ARAP2: variants seen among roughly 807,000 people sequenced by gnomAD.
ARAP2 encodes arf-GAP with Rho-GAP domain, ANK repeat and PH domain-containing protein 2.
ARAP2 carries 148 observed loss-of-function variants against 194.5 expected under a neutral mutation model. The observed-to-expected ratio is 0.76, with a 90% CI of 0.67 to 0.87. The LOEUF (loss-of-function observed/expected upper bound fraction) is 0.87, where lower values mean the gene tolerates loss of function less well. Among genes scored for constraint, ARAP2 ranks in the 40% least tolerant of loss-of-function variants. The probability of loss-of-function intolerance (pLI) is 0.00; values close to 1 mark genes in which losing one functional copy is unlikely to be tolerated. For missense variants in ARAP2, 2,128 were observed against 1,989.7 expected, an observed-to-expected ratio of 1.07 and a Z score of -1.32; for synonymous variants, 695 against 683.5, an observed-to-expected ratio of 1.02 and a Z score of -0.26.
At chr4:36,119,378 C>T (rs1218395389) in intron 24 of ARAP2, among the ~76,000 whole-genome samples, 2 of 151,448 alleles carry the variant, frequency 1.3e-5, no homozygotes, top group Non-Finnish European at 3.0e-5. Flanking sequence ...TTAGCATTTT[C>T]AGTCATGGTT....
rs113283970 is a variant in ARAP2, at chr4:36,171,592, G to A, written c.1858-4545C>T. Among the ~76,000 whole-genome samples the A allele has an allele frequency of 6.2e-3, 940 of 152,022 alleles. 12 individuals are homozygous for A. Among genetic ancestry groups the A allele is most frequent in the African/African-American group, 0.022 (895 of 41,420 alleles). ...GCTAAATGATGAGTTAATGGGTGCA[G>A]CACACCAGCATGGCACATGTATACA... is the stretch of plus-strand genomic sequence containing the variant. On this transcript the variant is annotated intron_variant, in intron 9 of 32. Transcript: ENST00000303965.
chr4:36,201,438 G>C (rs79527116), intron 6 of ARAP2, among the ~76,000 whole-genome samples: 2,077 of 152,192 alleles, frequency 0.014, 33 homozygotes, highest in East Asian at 0.088. Context: ...CAGGAAAAAA[G>C]GTAAAGCAGA....
At chr4:36,055,652 CTCCTGGGT>C (rs1723378618) in intron 2 of ARAP2, among the ~76,000 whole-genome samples, 1 of 152,128 alleles carries the variant, frequency 6.6e-6, no homozygotes, top group African/African-American at 2.4e-5. Flanking sequence ...CAACCTCTGC[CTCCTGGGT>C]TCAACTGATT....
intron 12 of ARAP2, 32 bp downstream of exon 12, chr4:36,161,433 T>C (rs2109781835): frequency 6.3e-7 from 1 of 1,583,988 alleles, no homozygotes; most frequent in South Asian, 1.1e-5. Flanking sequence ...TGAACCCCTA[T>C]CACAACCCCA....
At chr4:36,037,295 C>A (rs997480426) in intron 5 of ARAP2, among the ~76,000 whole-genome samples, 1 of 152,082 alleles carries the variant, frequency 6.6e-6, no homozygotes, top group Non-Finnish European at 1.5e-5. Flanking sequence ...TATCTATTTA[C>A]CTTATTCATT....
chr4:36,230,287 A>C (rs1428154670), intron 1 of ARAP2, among the ~76,000 whole-genome samples: 1 of 152,238 alleles, frequency 6.6e-6, no homozygotes, highest in African/African-American at 2.4e-5. Context: ...TTGACTTTCA[A>C]GTTTTATGCA....
chr4:36,130,444 C>A (rs1725148741), intron 20 of ARAP2, among the ~76,000 whole-genome samples: 1 of 151,832 alleles, frequency 6.6e-6, no homozygotes, highest in South Asian at 2.1e-4. Flanking sequence ...TGACTCGATA[C>A]CTTGGCACAC....
intron 31 of ARAP2, among the ~76,000 whole-genome samples, chr4:36,077,384 C>G (rs1441234592): frequency 1.3e-5 from 2 of 152,004 alleles, no homozygotes; most frequent in Admixed American, 1.3e-4. Flanking sequence ...TGCTTGGAGA[C>G]CTCTTCCTGT....
intron 19 of ARAP2, among the ~76,000 whole-genome samples, chr4:36,146,548 C>T (rs551772984): frequency 2.0e-5 from 3 of 152,068 alleles, no homozygotes; most frequent in South Asian, 2.1e-4. Context: ...ACACTCTTAG[C>T]GTTTTCAAAT....
intron 8 of ARAP2, among the ~76,000 whole-genome samples, chr4:36,014,173 G>A (rs1715091627): frequency 6.7e-6 from 1 of 148,938 alleles, no homozygotes. Flanking sequence ...GCTGCAGTGA[G>A]CTGACATTGT....
intron 30 of ARAP2, 97 bp from the exon 31 acceptor site, chr4:36,080,376 T>C (rs1729241646): frequency 8.4e-6 from 8 of 946,836 alleles, no homozygotes; most frequent in Non-Finnish European, 9.9e-6. Flanking sequence ...AATCTCTGGG[T>C]CTCTCCTGAT....
intron 2 of ARAP2, among the ~76,000 whole-genome samples, chr4:36,217,295 G>A (rs1021669091): frequency 5.3e-5 from 8 of 152,118 alleles, no homozygotes; most frequent in South Asian, 4.1e-4. Flanking sequence ...GCAGATCACC[G>A]GAGGCCAGGA....
chr4:36,151,375 A>G (rs1037575962), intron 15 of ARAP2, among the ~76,000 whole-genome samples: 6 of 152,186 alleles, frequency 3.9e-5, no homozygotes, highest in Non-Finnish European at 8.8e-5. Flanking sequence ...AAAGGAAAAC[A>G]AAAACGTAGC....
At chr4:36,043,794 A>AAGGGAAGG (rs1252513045) in intron 5 of ARAP2, among the ~76,000 whole-genome samples, 2 of 26,880 alleles carry the variant, frequency 7.4e-5, no homozygotes, top group African/African-American at 2.0e-4. Context: ...AGAAGAGAAG[A>AAGGGAAGG]GAAGGGAAGG....
intron 1 of ARAP2, among the ~76,000 whole-genome samples, chr4:36,234,813 C>T (rs1560737888): frequency 6.6e-6 from 1 of 152,226 alleles, no homozygotes; most frequent in East Asian, 1.9e-4. Flanking sequence ...ATAAACTCTG[C>T]CAACAGGACA....
At chr4:36,152,753 A>C (rs1473523815) in intron 15 of ARAP2, among the ~76,000 whole-genome samples, 1 of 152,198 alleles carries the variant, frequency 6.6e-6, no homozygotes, top group African/African-American at 2.4e-5. Context: ...GTAGCAAAAA[A>C]TGCATTCAGA....
At chr4:36,193,487 T>C (rs1415625815) in intron 7 of ARAP2, 91 bp downstream of exon 7, 4 of 668,084 alleles carry the variant, frequency 6.0e-6, no homozygotes, top group Non-Finnish European at 7.4e-6. Flanking sequence ...GTTGAGAATC[T>C]ACCTCCTATT....
chr4:36,040,318 A>T (rs1463370603), intron 5 of ARAP2, among the ~76,000 whole-genome samples: 1 of 152,196 alleles, frequency 6.6e-6, no homozygotes, highest in African/African-American at 2.4e-5. Context: ...TACGATGCCC[A>T]TATATATGAA....
At chr4:36,187,007 T>C (rs564482610) in intron 8 of ARAP2, among the ~76,000 whole-genome samples, 32 of 152,342 alleles carry the variant, frequency 2.1e-4, no homozygotes, top group Admixed American at 1.9e-3. Context: ...ATGGAAAAAT[T>C]GTCTTCCACG....
Sources: gnomAD v4.1 joint callset for allele counts (sites outside exome capture counted in the v4.1 genomes callset) on GRCh38, gnomAD v4.1.1 for gene constraint, MANE v1.5 for transcripts, NCBI Gene and HGNC (gene_info 2026-07-23, HGNC 2026-07-21) for gene names.